NDUFAF4: variants seen among roughly 807,000 people sequenced by gnomAD.
The protein encoded by NDUFAF4 is NADH:ubiquinone oxidoreductase complex assembly factor 4.
A neutral mutation model predicts 15.6 loss-of-function variants in NDUFAF4; 10 were observed. The observed-to-expected ratio is 0.64, with a 90% CI of 0.40 to 1.09. The LOEUF is 1.09. NDUFAF4 is among the 50% of genes least tolerant of loss of function. The pLI is 0.01. For synonymous variants in NDUFAF4, 77 were observed against 73.3 expected, an observed-to-expected ratio of 1.05 and a Z score of -0.26; for missense variants, 203 against 207.3, an observed-to-expected ratio of 0.98 and a Z score of 0.13.
intron 2 of NDUFAF4, among the ~76,000 whole-genome samples, chr6:96,895,769 G>A (rs1025068772): frequency 3.9e-5 from 6 of 151,984 alleles, no homozygotes; most frequent in East Asian, 1.9e-4. Flanking sequence ...TATGTGCAGC[G>A]ATTAACAAAT....
At chr6:96,895,094 C>T (rs568717618) in intron 2 of NDUFAF4, among the ~76,000 whole-genome samples, 1 of 152,148 alleles carries the variant, frequency 6.6e-6, no homozygotes, top group African/African-American at 2.4e-5. Flanking sequence ...CTGGGCTCTT[C>T]AACAAATTAT....
chr6:96,892,683 G>A (rs1562144743), intron 2 of NDUFAF4, among the ~76,000 whole-genome samples: 1 of 151,844 alleles, frequency 6.6e-6, no homozygotes, highest in Non-Finnish European at 1.5e-5. Context: ...TTCCCCCTTG[G>A]TTTCCATGCC....
chr6:96,895,553 A>G (rs577990383), intron 2 of NDUFAF4, among the ~76,000 whole-genome samples: 1 of 152,336 alleles, frequency 6.6e-6, no homozygotes, highest in South Asian at 2.1e-4. Flanking sequence ...TACGCATTAT[A>G]TGTATAACTG....
At position 96,897,781 on chromosome 6, in the gene NDUFAF4, G is replaced by A. The variant is rs1775408723; in HGVS notation, c.21C>T (p.Arg7=). The change falls in exon 1 of 3, where the codon CGC becomes CGT. Residue 7 remains arginine (R), a synonymous_variant. Coordinates refer to ENST00000316149, the MANE Select transcript of NDUFAF4 (RefSeq NM_014165.4). MGALVI[R]GIRNFNLENR... ...TCTCTAGGTTGAAATTCCTGATACC[G>A]CGAATCACTAGTGCTCCCATCTCCT... 1.3e-5 allele frequency: 21 copies of A among 1,614,016 alleles called. No individual in the cohort carries two copies. Among genetic ancestry groups the A allele is most frequent in the Non-Finnish European group, 1.7e-5 (20 of 1,179,992 alleles).
chr6:96,894,087 A>T (rs1050824372), intron 2 of NDUFAF4, among the ~76,000 whole-genome samples: 1 of 152,240 alleles, frequency 6.6e-6, no homozygotes, highest in Non-Finnish European at 1.5e-5. Flanking sequence ...CTTTATCTAC[A>T]GTTACCTGAA....
Position 96,897,798 on chromosome 6 carries a change from C to G in NDUFAF4, c.4G>C (p.Gly2Arg). The change falls in exon 1 of 3, where the codon GGA becomes CGA. Residue 2 changes from glycine to arginine, a missense_variant. Physicochemically the swap from Gly to Arg is moderately radical, Grantham distance 125. Coordinates refer to ENST00000316149, the MANE Select transcript of NDUFAF4 (RefSeq NM_014165.4). MGALVIRGIRNF... is the reference protein window; with the variant it reads MRALVIRGIRNF... ...CTGATACCGCGAATCACTAGTGCTC[C>G]CATCTCCTCATAACATTATGCGCTC... 5 of 1,614,170 alleles carry G rather than the reference C, an allele frequency of 3.1e-6. No homozygotes were observed. The highest frequency in any genetic ancestry group is 4.2e-6 in the Non-Finnish European group (5 of 1,179,988).
chr6:96,897,189 T>G (rs1775390766), intron 1 of NDUFAF4, among the ~76,000 whole-genome samples: 1 of 152,192 alleles, frequency 6.6e-6, no homozygotes, highest in South Asian at 2.1e-4. Flanking sequence ...CCTCCCAAAG[T>G]GCTGAGATTA....
rs1407684547 is a variant in NDUFAF4 at position 96,890,447 on chromosome 6, A to T, written c.*657T>A. 1.3e-5 allele frequency: 2 copies of T among 152,174 alleles called. No individual in the cohort carries two copies. Among genetic ancestry groups the T allele is most frequent in the East Asian group, 3.8e-4 (2 of 5,196 alleles). The allele number at this position is 152,174 out of a possible 1,614,324, so 9.4% of individuals were successfully genotyped here. On this transcript the variant is annotated 3_prime_UTR_variant, in exon 3 of 3. Coordinates refer to ENST00000316149, the MANE Select transcript of NDUFAF4 (RefSeq NM_014165.4). ...CCCATGGGACTTACCTATCTGTCAA[A>T]GCAGAAATTCCCAACATTTTGTAAA...
At chr6:96,892,806 C>T (rs1775331271) in intron 2 of NDUFAF4, among the ~76,000 whole-genome samples, 1 of 151,908 alleles carries the variant, frequency 6.6e-6, no homozygotes, top group South Asian at 2.1e-4. Flanking sequence ...TAAGAGTGCC[C>T]AGGCCTTCTT....
Position 96,890,798 on chromosome 6 carries a change from T to A in NDUFAF4, c.*306A>T. The A allele has an allele frequency of 3.6e-6, 1 of 275,502 alleles. No individual in the cohort carries two copies. Among genetic ancestry groups the A allele is most frequent in the Non-Finnish European group, 6.9e-6 (1 of 145,058 alleles). The allele number at this position is 275,502 out of a possible 1,614,324, so 17.1% of individuals were successfully genotyped here. ...TCAGGACATTTCCCAAGGGGTAATA[T>A]GACCAATTTAAAAGTTGGTATATGT... On this transcript the variant is annotated 3_prime_UTR_variant, in exon 3 of 3. Coordinates refer to ENST00000316149, the MANE Select transcript of NDUFAF4 (RefSeq NM_014165.4).
chr6:96,896,973 C>T, intron 1 of NDUFAF4, 126 bp from the exon 2 acceptor site: 1 of 739,044 alleles, frequency 1.4e-6, no homozygotes, highest in South Asian at 1.5e-5. Flanking sequence ...GTTGCCCAGA[C>T]TGGAGTGCAG....
chr6:96,891,544 C>T (rs1775316600), intron 2 of NDUFAF4, among the ~76,000 whole-genome samples, 153 bp from the exon 3 acceptor site: 1 of 152,028 alleles, frequency 6.6e-6, no homozygotes, highest in South Asian at 2.1e-4. Flanking sequence ...ATTGTAGTCC[C>T]CAAAGTTGGA....
intron 2 of NDUFAF4, among the ~76,000 whole-genome samples, chr6:96,893,491 C>A (rs1775338185): frequency 6.6e-6 from 1 of 152,114 alleles, no homozygotes; most frequent in Admixed American, 6.5e-5. Flanking sequence ...TCTAACCATT[C>A]TTCAAAGGCA....
Position 96,891,381 on chromosome 6 carries a change from G to A in NDUFAF4, c.251C>T (p.Ala84Val), listed in dbSNP as rs779837537. The A allele has an allele frequency of 6.3e-7, 1 of 1,594,654 alleles. No individual in the cohort carries two copies. Among genetic ancestry groups the A allele is most frequent in the Non-Finnish European group, 8.5e-7 (1 of 1,175,464 alleles). The change falls in exon 3 of 3, where the codon GCT (alanine) becomes GTT (valine). Residue 84 changes from alanine (A) to valine (V), a missense_variant. Transcript: ENST00000316149. ...DPVSSLQVKA[A>V]ETCQEPKEFR... ...TTCCTTCGGCTCTTGACATGTTTCA[G>A]CAGCTTTTACCTAGTATCAAAAAAA...
At chr6:96,897,635 C>G (rs761952170) in intron 1 of NDUFAF4, 31 bp downstream of exon 1, 1 of 1,612,374 alleles carries the variant, frequency 6.2e-7, no homozygotes, top group East Asian at 2.2e-5. Flanking sequence ...CTCCGCGCCC[C>G]CGGGCCCCGA....
At chr6:96,891,921 T>C (rs1775321819) in intron 2 of NDUFAF4, among the ~76,000 whole-genome samples, 1 of 152,154 alleles carries the variant, frequency 6.6e-6, no homozygotes, top group African/African-American at 2.4e-5. Context: ...CTTATTATAA[T>C]GAGCCATAGT....
chr6:96,893,745 A>G (rs951575301), intron 2 of NDUFAF4, among the ~76,000 whole-genome samples: 1 of 151,842 alleles, frequency 6.6e-6, no homozygotes, highest in African/African-American at 2.4e-5. Context: ...AAAAACCCTT[A>G]GGAAATTAAA....
Position 96,891,090 on chromosome 6 carries a change from T to G in NDUFAF4, c.*14A>C, listed in dbSNP as rs1775308769. 1.9e-6 allele frequency: 3 copies of G among 1,610,092 alleles called. No individual in the cohort carries two copies. Among genetic ancestry groups the G allele is most frequent in the Non-Finnish European group, 2.5e-6 (3 of 1,178,272 alleles). On this transcript the variant is annotated 3_prime_UTR_variant, in exon 3 of 3. Transcript: ENST00000316149. ...GGGATGAGGAGTACACATAGGAAAT[T>G]TCTGTGATTTTCTTCATTTTGATCG...
At chr6:96,897,497 C>T (rs1367461240) in intron 1 of NDUFAF4, among the ~76,000 whole-genome samples, 169 bp downstream of exon 1, 1 of 151,564 alleles carries the variant, frequency 6.6e-6, no homozygotes, top group Admixed American at 6.6e-5. Context: ...GGAGGACAGT[C>T]TCAATGTCAC....
Sources: allele counts gnomAD v4.1 joint callset (sites outside exome capture counted in the v4.1 genomes callset), GRCh38; gene constraint gnomAD v4.1.1; transcripts MANE v1.5; gene names NCBI Gene and HGNC (gene_info 2026-07-23, HGNC 2026-07-21).